Variants in ARHGEF12 observed in about 807,000 individuals in gnomAD.
The protein encoded by ARHGEF12 is KMT2A/ARHGEF12 fusion protein.
ARHGEF12 carries 66 observed loss-of-function variants against 211.2 expected under a neutral mutation model. The ratio of observed to expected loss-of-function variants is 0.31; its 90% CI spans 0.26 to 0.38. The LOEUF (loss-of-function observed/expected upper bound fraction) is 0.38. ARHGEF12 is among the 10% of genes least tolerant of loss of function. The pLI is 1.00. For synonymous variants in ARHGEF12, 592 were observed against 638.4 expected (o/e 0.93, Z 1.09); for missense variants, 1,429 against 1,869.5 (o/e 0.76, Z 4.34).
intron 1 of ARHGEF12, among the ~76,000 whole-genome samples, chr11:120,345,183 G>A (rs926150843): frequency 7.9e-5 from 12 of 152,136 alleles, no homozygotes; most frequent in African/African-American, 2.9e-4. Context: ...ACGGAAAGAG[G>A]GATGAGGAAG....
intron 21 of ARHGEF12, chr11:120,451,015 T>A (rs932056162): frequency 6.6e-6 from 1 of 152,456 alleles, no homozygotes; most frequent in Non-Finnish European, 1.5e-5. Context: ...TCCCTTTCTC[T>A]CTTTTCTTCT....
intron 1 of ARHGEF12, among the ~76,000 whole-genome samples, chr11:120,358,259 T>C (rs1943182724): frequency 6.6e-6 from 1 of 152,160 alleles, no homozygotes; most frequent in Non-Finnish European, 1.5e-5. Flanking sequence ...AGTTGTAACA[T>C]ATACTTAAAA....
At chr11:120,430,231 A>G (rs1945484717) in intron 10 of ARHGEF12, among the ~76,000 whole-genome samples, 1 of 152,136 alleles carries the variant, frequency 6.6e-6, no homozygotes, top group African/African-American at 2.4e-5. Flanking sequence ...AGCTAAATAT[A>G]TGGACAAGCA....
At chr11:120,484,922 TC>T in intron 40 of ARHGEF12, 144 bp from the exon 41 acceptor site, 1 of 826,814 alleles carries the variant, frequency 1.2e-6, no homozygotes, top group Non-Finnish European at 1.9e-6. Flanking sequence ...GGATTTGTGT[TC>T]CCTGCAGCAG....
At chr11:120,460,155 C>T (rs1176849602) in intron 26 of ARHGEF12, among the ~76,000 whole-genome samples, 2 of 152,188 alleles carry the variant, frequency 1.3e-5, no homozygotes, top group African/African-American at 4.8e-5. Flanking sequence ...GTCACTATTT[C>T]TCTATGACCC....
chr11:120,388,884 C>G (rs1017833218), intron 1 of ARHGEF12, among the ~76,000 whole-genome samples: 8 of 151,564 alleles, frequency 5.3e-5, no homozygotes, highest in African/African-American at 1.9e-4. Context: ...TATTTTGCGA[C>G]AGAGTTTTGC....
rs760970471 is a variant in ARHGEF12, at chr11:120,465,325, G to A, written c.2702G>A (p.Arg901His). 11 of 1,613,898 alleles carry A rather than the reference G, an allele frequency of 6.8e-6. No homozygotes were observed. Among genetic ancestry groups the A allele is most frequent in the East Asian group, 4.5e-5 (2 of 44,892 alleles). Residue 901 changes from arginine to histidine, a missense_variant, in exon 28 of 41, where the codon CGT (arginine) becomes CAT (histidine). Transcript: ENST00000397843. Reference sequence around the variant, plus strand: ...TTCGCCCTGGAAATGATCAAATCTCGTCAGAAAAAGGATTCTCGATTTCAG... The same window carrying A: ...TTCGCCCTGGAAATGATCAAATCTCATCAGAAAAAGGATTCTCGATTTCAG... ...QPFALEMIKSRQKKDSRFQTF... is the reference protein window; with the variant it reads ...QPFALEMIKSHQKKDSRFQTF...
intron 21 of ARHGEF12, 200 bp downstream of exon 21, chr11:120,449,414 TCGTGGGCTGGG>T: frequency 1.9e-6 from 1 of 515,752 alleles, no homozygotes; most frequent in Non-Finnish European, 3.4e-6. Flanking sequence ...TAAACATCTT[TCGTGGGCTGGG>T]CGTGGTGATT....
Position 120,485,171 on chromosome 11 carries a change from T to A in ARHGEF12, c.*94T>A. Reference sequence around the variant, plus strand: ...GGCTCCAGTGTGGATGCAGAGAGAGTGTGACAGAGGATCTGCCTGTGAACC... The same window carrying A: ...GGCTCCAGTGTGGATGCAGAGAGAGAGTGACAGAGGATCTGCCTGTGAACC... On this transcript the variant is annotated 3_prime_UTR_variant, in exon 41 of 41. Coordinates refer to ENST00000397843, the MANE Select transcript of ARHGEF12 (RefSeq NM_015313.3). 1 of 1,527,614 alleles carries A rather than the reference T, an allele frequency of 6.5e-7. No homozygotes were observed. Among genetic ancestry groups the A allele is most frequent in the East Asian group, 2.3e-5 (1 of 44,296 alleles). The allele number at this position is 1,527,614 out of a possible 1,614,324, so 94.6% of individuals were successfully genotyped here. A position where few individuals can be genotyped will look rare whatever the true frequency, so the allele number is the denominator to read the frequency against.
chr11:120,477,866 AAAAAAAAAG>A (rs1947098621), intron 36 of ARHGEF12, among the ~76,000 whole-genome samples: 1 of 150,400 alleles, frequency 6.6e-6, no homozygotes, highest in African/African-American at 2.4e-5. Context: ...AAACACCAAA[AAAAAAAAAG>A]AAAAAAAGAA....
chr11:120,457,013 G>A (rs1565496324), intron 22 of ARHGEF12, 105 bp from the exon 23 acceptor site: 3 of 1,015,242 alleles, frequency 3.0e-6, no homozygotes, highest in Non-Finnish European at 4.3e-6. Flanking sequence ...AAATAAGAAT[G>A]TAGCTATGGA....
intron 27 of ARHGEF12, among the ~76,000 whole-genome samples, chr11:120,461,769 A>G (rs546509043): frequency 1.2e-4 from 18 of 152,366 alleles, no homozygotes; most frequent in African/African-American, 4.1e-4. Flanking sequence ...TTCTACTGCT[A>G]TATCAGCACT....
At chr11:120,420,271 G>A (rs915994481) in intron 4 of ARHGEF12, among the ~76,000 whole-genome samples, 1 of 152,032 alleles carries the variant, frequency 6.6e-6, no homozygotes, top group Non-Finnish European at 1.5e-5. Context: ...CTGTTTTCCT[G>A]AGTATATTTT....
At chr11:120,472,278 G>A (rs538088310) in intron 30 of ARHGEF12, among the ~76,000 whole-genome samples, 5 of 152,078 alleles carry the variant, frequency 3.3e-5, no homozygotes, top group African/African-American at 1.2e-4. Context: ...CATGCACAAA[G>A]ACAAGCATAC....
chr11:120,422,074 T>C (rs1174841705), intron 6 of ARHGEF12, among the ~76,000 whole-genome samples: 1 of 152,238 alleles, frequency 6.6e-6, no homozygotes, highest in Non-Finnish European at 1.5e-5. Context: ...ATATATGTTC[T>C]TGAGTAGGAG....
chr11:120,429,008 A>G (rs1363202886), intron 8 of ARHGEF12, among the ~76,000 whole-genome samples: 1 of 152,196 alleles, frequency 6.6e-6, no homozygotes, highest in Non-Finnish European at 1.5e-5. Context: ...TAGGAAGACT[A>G]ATTTGGTAAA....
chr11:120,416,757 T>C (rs905274428), intron 4 of ARHGEF12, among the ~76,000 whole-genome samples: 5 of 152,100 alleles, frequency 3.3e-5, no homozygotes, highest in African/African-American at 1.2e-4. Flanking sequence ...TTCAAGCGAT[T>C]CTCCTGCCTC....
intron 1 of ARHGEF12, among the ~76,000 whole-genome samples, chr11:120,367,043 C>T (rs1331097632): frequency 6.6e-6 from 1 of 151,850 alleles, no homozygotes; most frequent in Non-Finnish European, 1.5e-5. Flanking sequence ...TAATAAGTCA[C>T]TGCTACACTG....
intron 1 of ARHGEF12, among the ~76,000 whole-genome samples, chr11:120,382,922 G>A (rs919170838): frequency 2.6e-5 from 4 of 152,176 alleles, no homozygotes; most frequent in Admixed American, 2.6e-4. Context: ...GGCAGATCAC[G>A]AGGTCAGGAG....
Sources: gnomAD v4.1 joint callset for allele counts (sites outside exome capture counted in the v4.1 genomes callset) on GRCh38, gnomAD v4.1.1 for gene constraint, MANE v1.5 for transcripts, NCBI Gene and HGNC (gene_info 2026-07-23, HGNC 2026-07-21) for gene names.